SLFN12L: variants seen among roughly 807,000 people sequenced by gnomAD.
SLFN12L encodes schlafen family member 12 like.
A neutral mutation model predicts 34.8 loss-of-function variants in SLFN12L; 34 were observed. That is an observed-to-expected ratio of 0.98 (90% CI 0.74 to 1.30). The LOEUF is 1.30. Among genes scored for constraint, SLFN12L ranks in the 50% most tolerant of loss-of-function variants. The probability of loss-of-function intolerance (pLI) is 0.00; values close to 1 mark genes in which losing one functional copy is unlikely to be tolerated. For missense variants in SLFN12L, 703 were observed against 696.2 expected (o/e 1.01, Z -0.11); for synonymous variants, 259 against 247.5 (o/e 1.05, Z -0.44).
chr17:35,484,439 T>C (rs1033501278), intron 2 of SLFN12L, among the ~76,000 whole-genome samples: 1 of 151,796 alleles, frequency 6.6e-6, no homozygotes, highest in Non-Finnish European at 1.5e-5. Context: ...CCTCAGGGGG[T>C]TCAAAGCACG....
Position 35,479,328 on chromosome 17 carries a change from G to A in SLFN12L, c.954C>T (p.Phe318=). ...NSIGKLPVHH[F]CVEKGTINYL... ...AATTTATCGTCCCCTTCTCCACACA[G>A]AAGTGATGCACAGGCAGTTTCCCAA... The change falls in exon 3 of 5, where the codon TTC becomes TTT. Residue 318 remains phenylalanine, a synonymous_variant. Transcript: ENST00000628453. 6.3e-7 allele frequency: 1 copy of A among 1,587,694 alleles called. No individual in the cohort carries two copies. Among genetic ancestry groups the A allele is most frequent in the Non-Finnish European group, 8.6e-7 (1 of 1,165,332 alleles).
At chr17:35,485,781 A>C (rs1212039775) in intron 2 of SLFN12L, among the ~76,000 whole-genome samples, 1 of 152,136 alleles carries the variant, frequency 6.6e-6, no homozygotes, top group Non-Finnish European at 1.5e-5. Flanking sequence ...ATTTTGGTGG[A>C]CTTTATCAAA....
chr17:35,504,120 T>C (rs563924588), intron 2 of SLFN12L, among the ~76,000 whole-genome samples: 1 of 152,372 alleles, frequency 6.6e-6, no homozygotes, highest in African/African-American at 2.4e-5. Flanking sequence ...TGCCTTGTTA[T>C]ACCCTGTGGG....
intron 2 of SLFN12L, among the ~76,000 whole-genome samples, chr17:35,505,220 C>T (rs538943344): frequency 5.3e-5 from 8 of 152,262 alleles, no homozygotes; most frequent in East Asian, 1.9e-4. Flanking sequence ...AAACTCATGT[C>T]GGCCCCAGCC....
chr17:35,506,724 TG>T (rs1915474989), intron 2 of SLFN12L, among the ~76,000 whole-genome samples: 1 of 152,178 alleles, frequency 6.6e-6, no homozygotes, highest in South Asian at 2.1e-4. Flanking sequence ...GTTATGTATG[TG>T]GAGGAACTGT....
At position 35,473,419 on chromosome 17, in the gene SLFN12L, T is replaced by C. The variant is rs1913840859; in HGVS notation, c.*1504A>G. Among the ~76,000 whole-genome samples the C allele has an allele frequency of 6.6e-6, 1 of 152,232 alleles. No homozygotes were observed. Among genetic ancestry groups the C allele is most frequent in the Non-Finnish European group, 1.5e-5 (1 of 68,044 alleles). On this transcript the variant is annotated 3_prime_UTR_variant, in exon 5 of 5. Transcript: ENST00000628453. ...ATCTATTGAGATAATCATATGGTTT[T>C]TGTCATTGTTTCTGTTTATGTGATG...
intron 3 of SLFN12L, 72 bp downstream of exon 3, chr17:35,479,045 C>T: frequency 8.6e-7 from 1 of 1,163,574 alleles, no homozygotes; most frequent in Non-Finnish European, 1.2e-6. Context: ...TGTCCCTAAT[C>T]CCAAAGATAC....
intron 2 of SLFN12L, among the ~76,000 whole-genome samples, chr17:35,507,719 A>G (rs760396983): frequency 6.6e-6 from 1 of 152,246 alleles, no homozygotes; most frequent in Admixed American, 6.5e-5. Flanking sequence ...AAACCTGCTT[A>G]CTGCTCCCTT....
intron 2 of SLFN12L, among the ~76,000 whole-genome samples, chr17:35,502,994 T>C (rs865816000): frequency 9.2e-5 from 14 of 152,108 alleles, no homozygotes; most frequent in African/African-American, 3.4e-4. Context: ...GAAAAAAAGT[T>C]ATAAAAAAAA....
intron 3 of SLFN12L, among the ~76,000 whole-genome samples, chr17:35,478,752 A>C (rs576825070): frequency 6.6e-6 from 1 of 152,366 alleles, no homozygotes; most frequent in East Asian, 1.9e-4. Context: ...ATGAAAGAGC[A>C]AGCAAGTAAA....
chr17:35,468,233 G>T lies in SLFN12L; in HGVS notation c.*6690C>A, dbSNP rs1347934908. On this transcript the variant is annotated 3_prime_UTR_variant, in exon 5 of 5. Transcript: ENST00000628453. ...GCCTGCTGATCTTACTGCTGGTATG[G>T]GTGCTTTTGTTGTTTTATCATCTGG... Among the ~76,000 whole-genome samples the T allele has an allele frequency of 2.6e-5, 4 of 152,028 alleles. No individual in the cohort carries two copies. The highest frequency in any genetic ancestry group is 5.9e-5 in the Non-Finnish European group (4 of 68,006).
At chr17:35,485,860 T>C (rs1177437792) in intron 2 of SLFN12L, among the ~76,000 whole-genome samples, 8 of 152,240 alleles carry the variant, frequency 5.3e-5, no homozygotes, top group African/African-American at 1.9e-4. Flanking sequence ...TCTACGTGTC[T>C]ATTTTTGTAT....
chr17:35,479,246 C>T lies in SLFN12L; in HGVS notation c.1036G>A (p.Ala346Thr). The change falls in exon 3 of 5, where the codon GCA becomes ACA. Residue 346 changes from alanine (A) to threonine (T), a missense_variant. Ala to Thr is a moderately conservative substitution (Grantham distance 58). Transcript: ENST00000628453. The stretch of plus-strand genomic sequence containing the variant: ...CAGCAGAAGCGTTCCACTCTGAGTG[C>T]ATACACATATCCACAAAGCCTTCCT... ...DKGRLCGYVYALRVERFCCAV... is the reference protein window; with the variant it reads ...DKGRLCGYVYTLRVERFCCAV... The T allele has an allele frequency of 6.3e-7, 1 of 1,593,560 alleles. No individual in the cohort carries two copies. The highest frequency in any genetic ancestry group is 8.6e-7 in the Non-Finnish European group (1 of 1,168,444).
chr17:35,501,028 A>G (rs1915276841), intron 2 of SLFN12L, among the ~76,000 whole-genome samples: 1 of 152,180 alleles, frequency 6.6e-6, no homozygotes, highest in Middle Eastern at 3.4e-3. Context: ...TCCTTCTACA[A>G]CTCAGTGTCT....
At chr17:35,484,438 G>A (rs1234386187) in intron 2 of SLFN12L, among the ~76,000 whole-genome samples, 2 of 152,182 alleles carry the variant, frequency 1.3e-5, no homozygotes, top group African/African-American at 4.8e-5. Context: ...ACCTCAGGGG[G>A]TTCAAAGCAC....
intron 2 of SLFN12L, among the ~76,000 whole-genome samples, chr17:35,497,805 C>T (rs544984251): frequency 5.3e-5 from 8 of 152,172 alleles, no homozygotes; most frequent in Non-Finnish European, 1.0e-4. Flanking sequence ...GGTACAACTT[C>T]AGAAGCATTA....
rs557489751 is a variant in SLFN12L at position 35,468,089 on chromosome 17, T to C, written c.*6834A>G. On this transcript the variant is annotated 3_prime_UTR_variant, in exon 5 of 5. Transcript: ENST00000628453. ...CACGCCCAGCTAATTTTTTATGTTT[T>C]TTGTAGAGACAGGGTTTTACCATGT... Among the ~76,000 whole-genome samples the C allele has an allele frequency of 1.9e-3, 285 of 152,240 alleles. 2 individuals are homozygous for C. Among genetic ancestry groups the C allele is most frequent in the African/African-American group, 5.7e-3 (236 of 41,550 alleles).
chr17:35,475,560 T>C, intron 4 of SLFN12L, 75 bp from the exon 5 acceptor site: 2 of 1,459,960 alleles, frequency 1.4e-6, no homozygotes, highest in Non-Finnish European at 1.8e-6. Context: ...AAGCAGCTTG[T>C]ATTAGATTAA....
chr17:35,502,416 G>GAA (rs1161388791), intron 2 of SLFN12L, among the ~76,000 whole-genome samples: 873 of 25,248 alleles, frequency 0.035, 91 homozygotes, highest in African/African-American at 0.044. Context: ...GTATCCTAAG[G>GAA]AAAAAAAAAA....
Sources: allele counts gnomAD v4.1 joint callset (sites outside exome capture counted in the v4.1 genomes callset), GRCh38; gene constraint gnomAD v4.1.1; transcripts MANE v1.5; gene names NCBI Gene and HGNC (gene_info 2026-07-23, HGNC 2026-07-21).